The following OPCML variants were observed in gnomAD, a reference collection of about 807,000 sequenced individuals.
The protein encoded by OPCML is opioid-binding protein/cell adhesion molecule.
A neutral mutation model predicts 37.8 loss-of-function variants in OPCML; 13 were observed. The ratio of observed to expected loss-of-function variants is 0.34; its 90% CI spans 0.22 to 0.55. The LOEUF (loss-of-function observed/expected upper bound fraction) is 0.55, where lower values mean the gene tolerates loss of function less well. OPCML is among the 20% of genes least tolerant of loss of function. OPCML has a pLI of 0.91. For missense variants in OPCML, 341 were observed against 435.6 expected, an observed-to-expected ratio of 0.78 and a Z score of 1.93; for synonymous variants, 176 against 168.8, an observed-to-expected ratio of 1.04 and a Z score of -0.33.
At chr11:133,399,992 C>T (rs1945368050) in intron 1 of OPCML, among the ~76,000 whole-genome samples, 1 of 151,994 alleles carries the variant, frequency 6.6e-6, no homozygotes, top group Non-Finnish European at 1.5e-5. Context: ...GGGTGGAAAA[C>T]TTGGTTTGGT....
intron 1 of OPCML, among the ~76,000 whole-genome samples, chr11:133,452,467 T>C (rs931959485): frequency 2.0e-5 from 3 of 151,394 alleles, no homozygotes; most frequent in Admixed American, 2.0e-4. Flanking sequence ...TTAGTTTATA[T>C]AGTATGATAG....
At chr11:133,110,494 T>C (rs1949232758) in intron 1 of OPCML, among the ~76,000 whole-genome samples, 2 of 152,174 alleles carry the variant, frequency 1.3e-5, no homozygotes, top group Non-Finnish European at 2.9e-5. Context: ...CCTACATTTA[T>C]TCTGACCCAT....
At chr11:132,731,398 A>G (rs2136010384) in intron 2 of OPCML, among the ~76,000 whole-genome samples, 1 of 152,328 alleles carries the variant, frequency 6.6e-6, no homozygotes, top group Non-Finnish European at 1.5e-5. Context: ...TAGTCTAAAG[A>G]GTTATAAAGC....
At chr11:132,987,184 G>A (rs1355865754) in intron 1 of OPCML, among the ~76,000 whole-genome samples, 2 of 152,136 alleles carry the variant, frequency 1.3e-5, no homozygotes, top group Non-Finnish European at 2.9e-5. Context: ...ATAGTGATTA[G>A]GAAATGACAA....
intron 4 of OPCML, among the ~76,000 whole-genome samples, chr11:132,521,909 G>T (rs1405473239): frequency 6.6e-6 from 1 of 152,054 alleles, no homozygotes; most frequent in Non-Finnish European, 1.5e-5. Context: ...CACACATATA[G>T]AGTCATATAG....
At chr11:132,607,280 C>T (rs1319842284) in intron 3 of OPCML, among the ~76,000 whole-genome samples, 1 of 152,178 alleles carries the variant, frequency 6.6e-6, no homozygotes, top group Non-Finnish European at 1.5e-5. Context: ...GCTCACTGTG[C>T]ATTTGGAGCC....
At position 132,902,392 on chromosome 11, in the gene OPCML, T is replaced by C. The variant is rs905211931; in HGVS notation, c.146+40534A>G. On this transcript the variant is annotated intron_variant, in intron 2 of 7. Transcript: ENST00000524381. The stretch of plus-strand genomic sequence containing the variant: ...TGTGAGTAAGACACCCTGTGTGACG[T>C]GCTCAGCATAGTGTCTGGCACATGC... 4.6e-5 allele frequency among the ~76,000 whole-genome samples: 7 copies of C among 152,192 alleles called. No homozygotes were observed. In the East Asian group the frequency reaches 1.4e-3, roughly 29 times the overall value.
chr11:132,466,651 T>C (rs1186521266), intron 4 of OPCML, among the ~76,000 whole-genome samples: 1 of 152,184 alleles, frequency 6.6e-6, no homozygotes, highest in East Asian at 1.9e-4. Context: ...CCTTGATGTC[T>C]CTGAGCACAT....
At chr11:133,476,857 C>G (rs1166372276) in intron 1 of OPCML, among the ~76,000 whole-genome samples, 2 of 152,186 alleles carry the variant, frequency 1.3e-5, no homozygotes, top group Non-Finnish European at 2.9e-5. Context: ...AAAACCTCCT[C>G]CCAGGAACCT....
At position 133,410,997 on chromosome 11, in the gene OPCML, C is replaced by T. The variant is rs560134949; in HGVS notation, c.61+121267G>A. ...CTCCCATTGCTTCCTCAAGCATCTT[C>T]GCATTTTGATCTCCCTTGGTTAGAC... is the stretch of plus-strand genomic sequence containing the variant. On this transcript the variant is annotated intron_variant, in intron 1 of 7. Coordinates refer to ENST00000524381, the MANE Select transcript of OPCML (RefSeq NM_001012393.5). Among the ~76,000 whole-genome samples the T allele has an allele frequency of 7.9e-4, 120 of 152,318 alleles. 3 individuals are homozygous for T. In the South Asian group the frequency reaches 0.023, roughly 29 times the overall value.
At chr11:132,764,859 T>C (rs1946382757) in intron 2 of OPCML, among the ~76,000 whole-genome samples, 1 of 152,260 alleles carries the variant, frequency 6.6e-6, no homozygotes, top group South Asian at 2.1e-4. Flanking sequence ...GTATTTTCCC[T>C]GTGCTCTGCA....
intron 2 of OPCML, among the ~76,000 whole-genome samples, chr11:132,891,988 C>T (rs1943667829): frequency 1.3e-5 from 2 of 152,212 alleles, no homozygotes; most frequent in African/African-American, 4.8e-5. Context: ...TCCTCAAGGA[C>T]CCACTGCATG....
intron 3 of OPCML, among the ~76,000 whole-genome samples, chr11:132,544,486 C>A (rs1054168043): frequency 6.6e-5 from 10 of 152,122 alleles, no homozygotes; most frequent in Non-Finnish European, 1.5e-4. Context: ...ACAGCTTAGG[C>A]TGAAATTATT....
chr11:133,493,114 G>A lies in OPCML; in HGVS notation c.61+39150C>T, dbSNP rs117707180. Among the ~76,000 whole-genome samples, 98 of 152,352 alleles carry A rather than the reference G, an allele frequency of 6.4e-4. No individual in the cohort carries two copies. The East Asian group carries it at 0.014, about 22-fold the overall frequency. On this transcript the variant is annotated intron_variant, in intron 1 of 7. Coordinates refer to ENST00000524381, the MANE Select transcript of OPCML (RefSeq NM_001012393.5). Reference sequence around the variant, plus strand: ...CAATGCACCACCTGGGACCAGTGATGACAAGCGCAGGATTGAGGAGCTCAT... The same window carrying A: ...CAATGCACCACCTGGGACCAGTGATAACAAGCGCAGGATTGAGGAGCTCAT...
At chr11:132,432,538 A>G (rs1230947669) in intron 7 of OPCML, among the ~76,000 whole-genome samples, 2 of 152,224 alleles carry the variant, frequency 1.3e-5, no homozygotes, top group Non-Finnish European at 2.9e-5. Context: ...AGCGAGCAGC[A>G]TAGGGTGAGA....
intron 1 of OPCML, among the ~76,000 whole-genome samples, chr11:133,397,539 G>C (rs1222616671): frequency 6.6e-6 from 1 of 152,246 alleles, no homozygotes; most frequent in Non-Finnish European, 1.5e-5. Context: ...AGAAAGCAGA[G>C]AGAGGGAATG....
chr11:133,080,227 ACT>A (rs1324752548), intron 1 of OPCML, among the ~76,000 whole-genome samples: 5 of 152,040 alleles, frequency 3.3e-5, no homozygotes, highest in African/African-American at 9.7e-5. Context: ...TAGGATGGTA[ACT>A]CTCAGACTCC....
intron 1 of OPCML, among the ~76,000 whole-genome samples, chr11:133,234,735 A>T (rs1940437396): frequency 6.6e-6 from 1 of 152,290 alleles, no homozygotes; most frequent in South Asian, 2.1e-4. Context: ...GCCTTTCTTC[A>T]GTGGTTTCAT....
At chr11:132,743,277 T>A (rs1945499768) in intron 2 of OPCML, among the ~76,000 whole-genome samples, 1 of 152,120 alleles carries the variant, frequency 6.6e-6, no homozygotes, top group Non-Finnish European at 1.5e-5. Flanking sequence ...ACTTGAGACT[T>A]AGGTTCAAAA....
Sources: gnomAD v4.1 joint callset for allele counts (sites outside exome capture counted in the v4.1 genomes callset) on GRCh38, gnomAD v4.1.1 for gene constraint, MANE v1.5 for transcripts, NCBI Gene and HGNC (gene_info 2026-07-23, HGNC 2026-07-21) for gene names.